The following CERS1 variants were observed in gnomAD, a reference collection of about 807,000 sequenced individuals.
CERS1 encodes the protein ceramide synthase 1, also known as Embryonic growth/differentiation factor 1.
Under a neutral mutation model 35.7 loss-of-function variants are expected in CERS1, and 16 were observed. That is an observed-to-expected ratio of 0.45 (90% CI 0.30 to 0.68). The LOEUF is 0.68. Ranked by LOEUF, CERS1 falls within the 30% of genes least tolerant of loss-of-function variation. CERS1 has a pLI of 0.08. For missense variants in CERS1, 454 were observed against 453.9 expected, an observed-to-expected ratio of 1.00 and a Z score of 0.00; for synonymous variants, 243 against 201.6, an observed-to-expected ratio of 1.21 and a Z score of -1.74.
chr19:18,884,348 G>A, intron 2 of CERS1, 81 bp from the exon 3 acceptor site: 3 of 1,339,800 alleles, frequency 2.2e-6, no homozygotes, highest in Non-Finnish European at 2.0e-6. Context: ...CACCCTCCAA[G>A]CCACACGTGT....
At chr19:18,873,160 TGTTGACACTA>T (rs1165422047) in intron 6 of CERS1, among the ~76,000 whole-genome samples, 1 of 152,152 alleles carries the variant, frequency 6.6e-6, no homozygotes, top group Non-Finnish European at 1.5e-5. Flanking sequence ...GATAGACTAG[TGTTGACACTA>T]GTCTATCACT....
chr19:18,888,897 T>TC (rs2056428078), intron 2 of CERS1, among the ~76,000 whole-genome samples: 1 of 148,572 alleles, frequency 6.7e-6, no homozygotes, highest in African/African-American at 2.5e-5. Context: ...TTCTTTTTTT[T>TC]TTTTTTTTTT....
chr19:18,893,350 G>A (rs1280517116), intron 2 of CERS1, 66 bp downstream of exon 2: 1 of 1,506,798 alleles, frequency 6.6e-7, no homozygotes, highest in Non-Finnish European at 8.9e-7. Flanking sequence ...GAGTAGCTGG[G>A]ACCACAAGCC....
At position 18,869,092 on chromosome 19, in the gene CERS1, T is replaced by C; in HGVS notation, c.*893A>G. 9.3e-7 allele frequency: 1 copy of C among 1,074,334 alleles called. No homozygotes were observed. The highest frequency in any genetic ancestry group is 1.1e-6 in the Non-Finnish European group (1 of 886,944). 66.6% of individuals were successfully genotyped at this position (1,074,334 alleles called of 1,614,324 possible). A position where few individuals can be genotyped will look rare whatever the true frequency, so the allele number is the denominator to read the frequency against. On this transcript the variant is annotated 3_prime_UTR_variant, in exon 8 of 8. Transcript: ENST00000623882. ...GCGCCAGGCGGAGGCTGCGCGGCCA[T>C]GAGGCGTTGCGAGCCCAAGCGGCGC...
intron 6 of CERS1, among the ~76,000 whole-genome samples, chr19:18,871,715 C>G (rs563480500): frequency 3.5e-4 from 53 of 152,332 alleles, no homozygotes; most frequent in African/African-American, 1.2e-3. Context: ...CATTTCACAG[C>G]CAACTGGCTG....
intron 7 of CERS1, among the ~76,000 whole-genome samples, chr19:18,869,613 G>A (rs1275171584): frequency 6.6e-6 from 1 of 151,188 alleles, no homozygotes; most frequent in East Asian, 2.0e-4. Context: ...CCTCGGCGGG[G>A]GGCATAGGAG....
At position 18,878,253 on chromosome 19, in the gene CERS1, G is replaced by A; in HGVS notation, c.1010+677C>T. Reference sequence around the variant, plus strand: ...TATGAGACACTGCACACCCGACTCTGCTTGTTACCCAGTTTGGCCTCCGTT... The same window carrying A: ...TATGAGACACTGCACACCCGACTCTACTTGTTACCCAGTTTGGCCTCCGTT... On this transcript the variant is annotated intron_variant, in intron 6 of 7. Coordinates refer to ENST00000623882, the MANE Select transcript of CERS1 (RefSeq NM_021267.5). This position sits in a 1 kb window ranked among gnomAD's most constrained non-coding sequence, Gnocchi z 4.6. 1.0e-6 allele frequency: 1 copy of A among 985,738 alleles called. No homozygotes were observed. Among genetic ancestry groups the A allele is most frequent in the Non-Finnish European group, 1.2e-6 (1 of 830,270 alleles). The allele number at this position is 985,738 out of a possible 1,614,324, so 61.1% of individuals were successfully genotyped here. A position where few individuals can be genotyped will look rare whatever the true frequency, so the allele number is the denominator to read the frequency against.
In CERS1 at chr19:18,879,692, C is replaced by T. The variant is rs75173475; in HGVS notation, c.753-304G>A. On this transcript the variant is annotated intron_variant, in intron 4 of 7. Coordinates refer to ENST00000623882, the MANE Select transcript of CERS1 (RefSeq NM_021267.5). ...CTCTGCTAGGCCCCACCTACCTCACCAAACCCCACCTCCTTCCCTGCCCAG... is the reference window on the plus strand; with the variant it reads ...CTCTGCTAGGCCCCACCTACCTCACTAAACCCCACCTCCTTCCCTGCCCAG... 4.8e-3 allele frequency among the ~76,000 whole-genome samples: 702 copies of T among 146,874 alleles called. 11 individuals are homozygous for T. The highest frequency in any genetic ancestry group is 0.017 in the African/African-American group (672 of 38,920).
In CERS1 at chr19:18,870,330, A is replaced by G; in HGVS notation, c.*247T>C. Reference sequence around the variant, plus strand: ...CATCTTCCTCCCAGGCGATGACCAGAGAGTGCGCAGGGTCCGCGGCGGCCC... The same window carrying G: ...CATCTTCCTCCCAGGCGATGACCAGGGAGTGCGCAGGGTCCGCGGCGGCCC... On this transcript the variant is annotated 3_prime_UTR_variant, in exon 7 of 8. Transcript: ENST00000623882. The surrounding 1 kb of genome is among the most constrained non-coding windows in gnomAD (Gnocchi z 5.1). 1.3e-6 allele frequency: 2 copies of G among 1,543,536 alleles called. No homozygotes were observed. Among genetic ancestry groups the G allele is most frequent in the South Asian group, 2.4e-5 (2 of 83,832 alleles).
chr19:18,878,522 G>C lies in CERS1; in HGVS notation c.1010+408C>G. The C allele has an allele frequency of 9.8e-7, 1 of 1,015,562 alleles. No individual in the cohort carries two copies. Among genetic ancestry groups the C allele is most frequent in the Non-Finnish European group, 1.2e-6 (1 of 847,158 alleles). 62.9% of individuals were successfully genotyped at this position (1,015,562 alleles called of 1,614,324 possible). ...CTGGGTTCTCTCTGTGGCCCTTGGC[G>C]TTCCTTCCTCCCCAGCCCCACTGCC... On this transcript the variant is annotated intron_variant, in intron 6 of 7. Transcript: ENST00000623882. This position sits in a 1 kb window ranked among gnomAD's most constrained non-coding sequence, Gnocchi z 4.6.
chr19:18,887,154 T>C (rs2056382231), intron 2 of CERS1, among the ~76,000 whole-genome samples: 2 of 152,088 alleles, frequency 1.3e-5, no homozygotes, highest in African/African-American at 2.4e-5. Context: ...CTCCACACAG[T>C]GGAATACTAT....
rs1395718829 is a variant in CERS1, at chr19:18,895,461, G to T, written c.249+363C>A. On this transcript the variant is annotated intron_variant, in intron 1 of 7. Transcript: ENST00000623882. This position sits in a 1 kb window ranked among gnomAD's most constrained non-coding sequence, Gnocchi z 6.4. ...CGCGGTGGCCGGAGCCATCCACCGC[G>T]CGGGGCCCCCTGGTCCCAAACTGAC... Among the ~76,000 whole-genome samples the T allele has an allele frequency of 6.6e-6, 1 of 151,512 alleles. No individual in the cohort carries two copies. The highest frequency in any genetic ancestry group is 1.5e-5 in the Non-Finnish European group (1 of 67,856).
At chr19:18,875,063 C>T (rs1215142880) in intron 6 of CERS1, among the ~76,000 whole-genome samples, 1 of 151,350 alleles carries the variant, frequency 6.6e-6, no homozygotes, top group South Asian at 2.1e-4. Context: ...AGTGAGATCT[C>T]GTCTCTACAA....
At chr19:18,890,821 C>T (rs1021709634) in intron 2 of CERS1, among the ~76,000 whole-genome samples, 2 of 146,334 alleles carry the variant, frequency 1.4e-5, no homozygotes, top group Non-Finnish European at 3.0e-5. Context: ...AAGGCAAGTC[C>T]ATGCCCAAAA....
chr19:18,870,363 G>A lies in CERS1; in HGVS notation c.*214C>T. 6 of 1,537,912 alleles carry A rather than the reference G, an allele frequency of 3.9e-6. No homozygotes were observed. The highest frequency in any genetic ancestry group is 1.2e-5 in the South Asian group (1 of 83,510). Reference sequence around the variant, plus strand: ...CAGGGTCCGCGGCGGCCCGGGACCAGTGGGCTGAGGGCGGGGCCGGTGTCC... The same window carrying A: ...CAGGGTCCGCGGCGGCCCGGGACCAATGGGCTGAGGGCGGGGCCGGTGTCC... On this transcript the variant is annotated 3_prime_UTR_variant, in exon 7 of 8. Coordinates refer to ENST00000623882, the MANE Select transcript of CERS1 (RefSeq NM_021267.5). The surrounding 1 kb of genome is among the most constrained non-coding windows in gnomAD (Gnocchi z 5.1).
chr19:18,869,921 C>G, intron 7 of CERS1, 62 bp downstream of exon 7: 1 of 1,501,062 alleles, frequency 6.7e-7, no homozygotes. Context: ...GGGCCACTCT[C>G]GAGGCTCGCC....
chr19:18,870,067 T>C lies in CERS1; in HGVS notation c.*510A>G. On this transcript the variant is annotated 3_prime_UTR_variant, in exon 7 of 8. Transcript: ENST00000623882. This position sits in a 1 kb window ranked among gnomAD's most constrained non-coding sequence, Gnocchi z 5.1. ...GGTTGCAGGGTGACCCCTGGGGACGTCCGCCGCGAGCCAGACCTGGTCTCC... is the reference window on the plus strand; with the variant it reads ...GGTTGCAGGGTGACCCCTGGGGACGCCCGCCGCGAGCCAGACCTGGTCTCC... 6.3e-7 allele frequency: 1 copy of C among 1,583,336 alleles called. No homozygotes were observed. The highest frequency in any genetic ancestry group is 8.5e-7 in the Non-Finnish European group (1 of 1,169,968).
chr19:18,871,881 C>T (rs770709331), intron 6 of CERS1, among the ~76,000 whole-genome samples: 1 of 152,194 alleles, frequency 6.6e-6, no homozygotes, highest in Non-Finnish European at 1.5e-5. Flanking sequence ...TTCCCATAAA[C>T]AAACCTCCGT....
Position 18,895,272 on chromosome 19 carries a change from C to A in CERS1, c.249+552G>T, listed in dbSNP as rs1221151303. ...CCGATTACAGCGGGCAAGCCGGCCC[C>A]GCCGCCGCACGGACCCAGCAGAAAA... On this transcript the variant is annotated intron_variant, in intron 1 of 7. Transcript: ENST00000623882. This position sits in a 1 kb window ranked among gnomAD's most constrained non-coding sequence, Gnocchi z 6.4. 6.6e-6 allele frequency among the ~76,000 whole-genome samples: 1 copy of A among 152,230 alleles called. No homozygotes were observed. Among genetic ancestry groups the A allele is most frequent in the Non-Finnish European group, 1.5e-5 (1 of 68,040 alleles).
Sources: gnomAD v4.1 joint callset for allele counts (sites outside exome capture counted in the v4.1 genomes callset) on GRCh38, gnomAD v4.1.1 for gene constraint, Gnocchi (gnomAD v3.1) non-coding constraint, MANE v1.5 for transcripts, NCBI Gene and HGNC (gene_info 2026-07-23, HGNC 2026-07-21) for gene names.